LIN28B: variants seen among roughly 807,000 people sequenced by gnomAD.
The protein encoded by LIN28B is lin-28 RNA binding posttranscriptional regulator B.
A neutral mutation model predicts 21.9 loss-of-function variants in LIN28B; 5 were observed. The ratio of observed to expected loss-of-function variants is 0.23; its 90% CI spans 0.12 to 0.48. The LOEUF is 0.48. Ranked by LOEUF, LIN28B falls within the 20% of genes least tolerant of loss-of-function variation. LIN28B has a pLI of 0.98. For missense variants in LIN28B, 245 were observed against 310.5 expected (o/e 0.79, Z 1.58); for synonymous variants, 109 against 111.3 (o/e 0.98, Z 0.13).
chr6:105,005,394 T>G (rs1437678321), intron 2 of LIN28B, among the ~76,000 whole-genome samples: 4 of 152,198 alleles, frequency 2.6e-5, no homozygotes, highest in African/African-American at 9.6e-5. Context: ...CTATTCTCAA[T>G]AAAGTGTTCT....
chr6:105,060,271 G>A (rs1050762640), intron 3 of LIN28B, among the ~76,000 whole-genome samples: 2 of 149,542 alleles, frequency 1.3e-5, no homozygotes, highest in East Asian at 2.0e-4. Context: ...TTGTTTGTTT[G>A]TTTCTTTGTT....
At chr6:105,074,103 A>G (rs1772379717) in intron 3 of LIN28B, among the ~76,000 whole-genome samples, 1 of 152,196 alleles carries the variant, frequency 6.6e-6, no homozygotes, top group Admixed American at 6.5e-5. Flanking sequence ...TTCAGAATAT[A>G]ATTAAATAGT....
chr6:104,950,330 A>T, intron 2 of LIN28B: 1 of 451,104 alleles, frequency 2.2e-6, no homozygotes. Flanking sequence ...TAAACTGTAA[A>T]AAAAAGTTTA....
At chr6:105,074,429 A>C (rs1340252619) in intron 3 of LIN28B, among the ~76,000 whole-genome samples, 1 of 152,054 alleles carries the variant, frequency 6.6e-6, no homozygotes, top group Non-Finnish European at 1.5e-5. Context: ...CGATCTCCTG[A>C]CCTCGTGATC....
intron 3 of LIN28B, among the ~76,000 whole-genome samples, chr6:105,027,108 C>G (rs1308391489): frequency 6.6e-6 from 1 of 151,986 alleles, no homozygotes; most frequent in Non-Finnish European, 1.5e-5. Context: ...TTGAATTGAT[C>G]AATAACACCA....
At chr6:104,963,041 G>C (rs1009624782) in intron 2 of LIN28B, among the ~76,000 whole-genome samples, 6 of 151,940 alleles carry the variant, frequency 3.9e-5, no homozygotes, top group Admixed American at 3.3e-4. Flanking sequence ...ACATTTAAAG[G>C]CATTTTATTT....
At chr6:105,058,160 T>C (rs1264514767) in intron 3 of LIN28B, 3 of 303,248 alleles carry the variant, frequency 9.9e-6, no homozygotes, top group Admixed American at 5.0e-5. Context: ...TTGTACCAAC[T>C]GGGAACCATT....
chr6:104,991,257 G>A lies in LIN28B; in HGVS notation c.198+32971G>A, dbSNP rs1020010090. ...GCTGCCCCCTGCCTCCCTCCCGGAC[G>A]GGGTGGCTGCCGGGTGGAGGGGCGC... On this transcript the variant is annotated intron_variant, in intron 2 of 3. Transcript: ENST00000345080. 4.6e-5 allele frequency among the ~76,000 whole-genome samples: 7 copies of A among 151,612 alleles called. No homozygotes were observed. In the East Asian group the frequency reaches 1.0e-3, roughly 22 times the overall value.
At chr6:105,052,424 G>A (rs143137498) in intron 3 of LIN28B, among the ~76,000 whole-genome samples, 23 of 152,246 alleles carry the variant, frequency 1.5e-4, no homozygotes, top group African/African-American at 5.1e-4. Context: ...CCCTCTTGAT[G>A]TGTCATGGTG....
intron 2 of LIN28B, among the ~76,000 whole-genome samples, chr6:104,994,618 T>C (rs1283913273): frequency 1.3e-5 from 2 of 152,212 alleles, no homozygotes; most frequent in Non-Finnish European, 2.9e-5. Flanking sequence ...TTAAAAATAT[T>C]ATGTAAGAGT....
chr6:105,023,619 A>T (rs1331902652), intron 2 of LIN28B, among the ~76,000 whole-genome samples: 3 of 61,846 alleles, frequency 4.9e-5, no homozygotes, highest in Non-Finnish European at 8.7e-5. Context: ...TATAATATAT[A>T]TTATATATTT....
chr6:104,941,052 G>C (rs1778081552), intron 2 of LIN28B: 3 of 152,260 alleles, frequency 2.0e-5, no homozygotes, highest in Admixed American at 2.0e-4. Flanking sequence ...TGCGAGCGTG[G>C]CCGGGTGTGC....
At chr6:104,958,334 G>C (rs1247796679) in intron 2 of LIN28B, 48 bp downstream of exon 2, 1 of 1,423,136 alleles carries the variant, frequency 7.0e-7, no homozygotes, top group Admixed American at 1.8e-5. Context: ...CCATGTGGAG[G>C]AGCTGATCGG....
At chr6:105,003,519 C>CT (rs368660728) in intron 2 of LIN28B, among the ~76,000 whole-genome samples, 18 of 150,120 alleles carry the variant, frequency 1.2e-4, no homozygotes, top group East Asian at 1.2e-3. Flanking sequence ...ATTTTTTTTT[C>CT]TTTTTTTTTG....
upstream of LIN28B, among the ~76,000 whole-genome samples, chr6:104,955,724 G>A (rs1373992662): frequency 6.6e-6 from 1 of 151,162 alleles, no homozygotes; most frequent in Non-Finnish European, 1.5e-5. Context: ...CGAAGGAAGT[G>A]GTATCTGAAC....
At chr6:105,070,184 C>G (rs1415866039) in intron 3 of LIN28B, among the ~76,000 whole-genome samples, 2 of 152,170 alleles carry the variant, frequency 1.3e-5, no homozygotes, top group Admixed American at 1.3e-4. Flanking sequence ...TTAAAAAGTA[C>G]TGATGCTTAG....
At chr6:105,017,642 G>A (rs947095738) in intron 2 of LIN28B, among the ~76,000 whole-genome samples, 4 of 151,624 alleles carry the variant, frequency 2.6e-5, no homozygotes, top group Admixed American at 1.3e-4. Context: ...TGAGGGAGCA[G>A]AAAACCAAAT....
chr6:105,030,520 C>A (rs866724046), intron 3 of LIN28B, among the ~76,000 whole-genome samples: 15 of 151,246 alleles, frequency 9.9e-5, no homozygotes, highest in Middle Eastern at 6.8e-3. Context: ...TTTCCTATTG[C>A]TATTTTTTCT....
At position 105,079,478 on chromosome 6, in the gene LIN28B, CAT is replaced by C. The variant is rs1284786354; in HGVS notation, c.*697_*698del. 1.3e-5 allele frequency: 2 copies of C among 152,542 alleles called. No homozygotes were observed. Among genetic ancestry groups the C allele is most frequent in the Non-Finnish European group, 1.5e-5 (1 of 68,012 alleles). The allele number at this position is 152,542 out of a possible 1,614,324, so 9.4% of individuals were successfully genotyped here. Reference sequence around the variant, plus strand: ...ATAAGCTTTTTTGATTCTGGGATAACATAACTCCAGAAAAGACAATGAATGTG... The same window carrying C: ...ATAAGCTTTTTTGATTCTGGGATAACAACTCCAGAAAAGACAATGAATGTG... On this transcript the variant is annotated 3_prime_UTR_variant, in exon 4 of 4. Coordinates refer to ENST00000345080, the MANE Select transcript of LIN28B (RefSeq NM_001004317.4).
Sources: gnomAD v4.1 joint callset for allele counts (sites outside exome capture counted in the v4.1 genomes callset) on GRCh38, gnomAD v4.1.1 for gene constraint, MANE v1.5 for transcripts, NCBI Gene and HGNC (gene_info 2026-07-23, HGNC 2026-07-21) for gene names.